ARHGEF4: variants seen among roughly 807,000 people sequenced by gnomAD.
The protein encoded by ARHGEF4 is Rho guanine nucleotide exchange factor 4, also known as APC-stimulated guanine nucleotide exchange factor 1.
In ARHGEF4, 119 loss-of-function variants were observed where a neutral mutation model predicts 162.0. That is an observed-to-expected ratio of 0.73 (90% CI 0.63 to 0.86). ARHGEF4 has a LOEUF of 0.86. ARHGEF4 is among the 40% of genes least tolerant of loss of function. The pLI, the probability that ARHGEF4 is intolerant of heterozygous loss-of-function variation, is 0.00. For missense variants in ARHGEF4, 2,488 were observed against 2,456.0 expected, an observed-to-expected ratio of 1.01 and a Z score of -0.28; for synonymous variants, 1,014 against 979.9, an observed-to-expected ratio of 1.03 and a Z score of -0.65.
intron 1 of ARHGEF4, among the ~76,000 whole-genome samples, chr2:130,878,596 C>T (rs567843543): frequency 6.6e-6 from 1 of 152,150 alleles, no homozygotes; most frequent in Non-Finnish European, 1.5e-5. Context: ...GCTGCAAACA[C>T]GACCCTGAGC....
At chr2:131,032,709 A>C (rs1160282550) in intron 5 of ARHGEF4, among the ~76,000 whole-genome samples, 1 of 150,572 alleles carries the variant, frequency 6.6e-6, no homozygotes, top group African/African-American at 2.5e-5. Context: ...CCAGACACCT[A>C]TGTCTCCCTT....
chr2:130,968,049 T>C (rs139834762), intron 4 of ARHGEF4, among the ~76,000 whole-genome samples: 47 of 152,308 alleles, frequency 3.1e-4, no homozygotes, highest in African/African-American at 1.1e-3. Context: ...CCTTAGTTGC[T>C]CAGTCTCTAG....
chr2:131,045,811 A>AC lies in ARHGEF4; in HGVS notation c.5480-221dup, dbSNP rs1558907254. The AC allele has an allele frequency of 1.2e-5, 17 of 1,426,766 alleles. No homozygotes were observed. The South Asian group carries it at 2.3e-4, about 19-fold the overall frequency. 88.4% of individuals were successfully genotyped at this position (1,426,766 alleles called of 1,614,324 possible). On this transcript the variant is annotated intron_variant, in intron 13 of 13. Transcript: ENST00000409359. ...AACATCACATGCCTTTGCACAGGCC[A>AC]CCCCCCTCTTCAGGCTGCTGCAGGA...
Position 130,836,997 on chromosome 2 carries a change from G to A in ARHGEF4, c.39+5G>A, listed in dbSNP as rs1680239110. On this transcript the variant is annotated splice_donor_5th_base_variant and intron_variant, in intron 1 of 13. Transcript: ENST00000409359. ...TTCCTCCGGAGCTTCTTCAAGGTGA[G>A]AGCCGGCGTCCGGGACTTGCGGTCG... 8.1e-7 allele frequency: 1 copy of A among 1,227,234 alleles called. No individual in the cohort carries two copies. The highest frequency in any genetic ancestry group is 1.0e-6 in the Non-Finnish European group (1 of 985,014). The allele number at this position is 1,227,234 out of a possible 1,614,324, so 76.0% of individuals were successfully genotyped here.
intron 2 of ARHGEF4, among the ~76,000 whole-genome samples, chr2:130,927,929 C>T (rs1682394387): frequency 6.6e-6 from 1 of 152,134 alleles, no homozygotes; most frequent in Non-Finnish European, 1.5e-5. Context: ...TCATAGCATA[C>T]TGTTCTTGTT....
At chr2:131,021,075 T>C (rs1689096920) in intron 4 of ARHGEF4, among the ~76,000 whole-genome samples, 4 of 152,186 alleles carry the variant, frequency 2.6e-5, no homozygotes, top group Admixed American at 1.3e-4. Flanking sequence ...CATTGTAGAT[T>C]CTGGATATTA....
At chr2:130,879,247 G>T (rs1415626260) in intron 1 of ARHGEF4, among the ~76,000 whole-genome samples, 1 of 152,134 alleles carries the variant, frequency 6.6e-6, no homozygotes, top group Non-Finnish European at 1.5e-5. Context: ...TTTTAATTAT[G>T]TATTAATTTG....
At chr2:130,992,841 T>C (rs552727099) in intron 4 of ARHGEF4, among the ~76,000 whole-genome samples, 21 of 152,274 alleles carry the variant, frequency 1.4e-4, no homozygotes, top group African/African-American at 5.1e-4. Flanking sequence ...CCCAGCACTT[T>C]GGGAGGCTGA....
intron 1 of ARHGEF4, among the ~76,000 whole-genome samples, chr2:130,901,827 C>T (rs1008835576): frequency 3.3e-5 from 5 of 152,120 alleles, no homozygotes; most frequent in Non-Finnish European, 5.9e-5. Context: ...GGCCTGAGTC[C>T]GTGTTCTGAA....
Position 130,916,988 on chromosome 2 carries a change from C to A in ARHGEF4, c.3042C>A (p.Ser1014=). ...WAPPLASTPL[S]SSLVSPEHRR... is the part of the protein sequence containing the mutation. ...CCCCACTTGCCTCCACACCTTTGTC[C>A]TCCAGTTTAGTTTCTCCAGAACACA... is the stretch of plus-strand genomic sequence containing the variant. Residue 1014 remains serine (S), a synonymous_variant, in exon 2 of 14, where the codon TCC becomes TCA. Coordinates refer to ENST00000409359, the MANE Select transcript of ARHGEF4 (RefSeq NM_001367493.1). The A allele has an allele frequency of 1.3e-6, 2 of 1,550,984 alleles. No individual in the cohort carries two copies. The highest frequency in any genetic ancestry group is 1.7e-6 in the Non-Finnish European group (2 of 1,147,066).
intron 4 of ARHGEF4, among the ~76,000 whole-genome samples, chr2:130,992,833 C>T (rs909785916): frequency 6.6e-6 from 1 of 152,184 alleles, no homozygotes; most frequent in African/African-American, 2.4e-5. Flanking sequence ...CCTGTAATCC[C>T]AGCACTTTGG....
At chr2:130,924,696 A>G (rs1207793876) in intron 2 of ARHGEF4, among the ~76,000 whole-genome samples, 2 of 152,226 alleles carry the variant, frequency 1.3e-5, no homozygotes, top group Non-Finnish European at 2.9e-5. Context: ...ATACAGGATC[A>G]TGCCCCTGGC....
chr2:130,907,208 CTTTTT>C (rs70994720), intron 1 of ARHGEF4, among the ~76,000 whole-genome samples: 2 of 87,286 alleles, frequency 2.3e-5, no homozygotes, highest in East Asian at 8.9e-4. Flanking sequence ...TAGTTTGTCC[CTTTTT>C]TTTTTTTTTT....
chr2:131,041,563 G>A (rs531828961), intron 9 of ARHGEF4, 101 bp downstream of exon 9: 2 of 1,293,850 alleles, frequency 1.5e-6, no homozygotes, highest in South Asian at 1.4e-5. Flanking sequence ...GCAGCCCTGG[G>A]GCAACACACA....
In ARHGEF4 at chr2:130,916,466, G is replaced by T; in HGVS notation, c.2520G>T (p.Ala840=). 6.5e-7 allele frequency: 1 copy of T among 1,543,532 alleles called. No individual in the cohort carries two copies. Among genetic ancestry groups the T allele is most frequent in the African/African-American group, 1.4e-5 (1 of 73,044 alleles). The part of the protein sequence containing the change: ...EGLPRENPPA[A]AGRDAPPLHH... ...TCCCCAGGGAGAATCCGCCCGCTGC[G>T]GCCGGTCGGGACGCACCGCCTCTGC... is the stretch of plus-strand genomic sequence containing the variant. The change falls in exon 2 of 14, where the codon GCG becomes GCT. Residue 840 remains alanine (A), a synonymous_variant. Transcript: ENST00000409359.
intron 1 of ARHGEF4, among the ~76,000 whole-genome samples, chr2:130,840,386 T>C (rs1006308931): frequency 3.3e-5 from 5 of 152,208 alleles, no homozygotes; most frequent in Non-Finnish European, 7.3e-5. Flanking sequence ...CAGGTCCCCA[T>C]GTCTCCTGCA....
intron 4 of ARHGEF4, among the ~76,000 whole-genome samples, chr2:130,991,327 G>C (rs566037679): frequency 6.6e-6 from 1 of 152,372 alleles, no homozygotes; most frequent in East Asian, 1.9e-4. Context: ...CCTCCTCTGC[G>C]TGGGCTCCCA....
intron 1 of ARHGEF4, 90 bp downstream of exon 1, chr2:130,837,082 G>T (rs968700724): frequency 1.7e-6 from 2 of 1,185,062 alleles, no homozygotes; most frequent in Non-Finnish European, 1.1e-6. Flanking sequence ...GCTGCGCCCC[G>T]GGCCGTCCCC....
chr2:131,017,986 C>T (rs1341778043), intron 4 of ARHGEF4, among the ~76,000 whole-genome samples: 1 of 152,070 alleles, frequency 6.6e-6, no homozygotes, highest in African/African-American at 2.4e-5. Flanking sequence ...ATAGCTAAAA[C>T]AGGAGGCCAG....
Sources: allele counts gnomAD v4.1 joint callset (sites outside exome capture counted in the v4.1 genomes callset), GRCh38; gene constraint gnomAD v4.1.1; transcripts MANE v1.5; gene names NCBI Gene and HGNC (gene_info 2026-07-23, HGNC 2026-07-21).